Variants in GRM7 observed in about 807,000 individuals in gnomAD.
The protein encoded by GRM7 is metabotropic glutamate receptor 7.
In GRM7, 35 loss-of-function variants were observed where a neutral mutation model predicts 84.5. The ratio of observed to expected loss-of-function variants is 0.41; its 90% CI spans 0.32 to 0.55. GRM7 has a LOEUF of 0.55. Ranked by LOEUF, GRM7 falls within the 20% of genes least tolerant of loss-of-function variation. GRM7 has a pLI of 0.19. For missense variants in GRM7, 1,003 were observed against 1,194.6 expected, an observed-to-expected ratio of 0.84 and a Z score of 2.36; for synonymous variants, 487 against 455.1, an observed-to-expected ratio of 1.07 and a Z score of -0.89.
chr3:7,127,010 C>T (rs1213568187), intron 1 of GRM7, among the ~76,000 whole-genome samples: 4 of 152,198 alleles, frequency 2.6e-5, no homozygotes, highest in African/African-American at 9.6e-5. Context: ...GCAAAGGTGG[C>T]CAGTGGCCAG....
At chr3:7,023,361 CAGGT>C (rs2124915611) in intron 1 of GRM7, among the ~76,000 whole-genome samples, 1 of 152,116 alleles carries the variant, frequency 6.6e-6, no homozygotes, top group African/African-American at 2.4e-5. Context: ...ATCAGAGAGT[CAGGT>C]AGAGGGGAAT....
intron 1 of GRM7, among the ~76,000 whole-genome samples, chr3:6,927,415 TAGACTCTTGTC>T (rs1395956797): frequency 2.8e-5 from 4 of 143,086 alleles, no homozygotes; most frequent in African/African-American, 7.8e-5. Context: ...GTGACAGAGC[TAGACTCTTGTC>T]AGAAAAGAAA....
At chr3:7,571,675 C>G (rs1394661236) in intron 7 of GRM7, among the ~76,000 whole-genome samples, 1 of 152,218 alleles carries the variant, frequency 6.6e-6, no homozygotes, top group East Asian at 1.9e-4. Context: ...GTTCCAACCT[C>G]TGCCTATTAC....
intron 8 of GRM7, among the ~76,000 whole-genome samples, chr3:7,611,505 A>G (rs1181806002): frequency 1.3e-5 from 2 of 152,164 alleles, no homozygotes; most frequent in Non-Finnish European, 2.9e-5. Context: ...ACAATCAGCC[A>G]AGAAGGTATA....
intron 1 of GRM7, among the ~76,000 whole-genome samples, chr3:6,868,828 G>T (rs996568460): frequency 6.6e-5 from 10 of 152,070 alleles, no homozygotes; most frequent in Admixed American, 2.0e-4. Flanking sequence ...AGTTTAATGG[G>T]TTATTTTGCC....
At chr3:7,013,196 C>G (rs1374459069) in intron 1 of GRM7, among the ~76,000 whole-genome samples, 1 of 151,654 alleles carries the variant, frequency 6.6e-6, no homozygotes, top group African/African-American at 2.4e-5. Flanking sequence ...TTATAAAGGC[C>G]CCTGTGACAT....
chr3:7,305,148 A>G (rs1449547141), intron 3 of GRM7, among the ~76,000 whole-genome samples: 3 of 152,154 alleles, frequency 2.0e-5, no homozygotes. Flanking sequence ...TAAAATTCCT[A>G]GAGTGTCTTA....
At chr3:7,157,021 T>C (rs1326278287) in intron 2 of GRM7, among the ~76,000 whole-genome samples, 1 of 151,614 alleles carries the variant, frequency 6.6e-6, no homozygotes, top group East Asian at 1.9e-4. Flanking sequence ...GAGGAAGATG[T>C]AAGGAATCAA....
intron 3 of GRM7, among the ~76,000 whole-genome samples, chr3:7,305,778 A>G (rs748458968): frequency 4.6e-5 from 7 of 152,124 alleles, no homozygotes; most frequent in Non-Finnish European, 7.3e-5. Flanking sequence ...CCAAGTCCCA[A>G]GAGACAAACA....
chr3:7,220,419 C>T (rs1696761921), intron 2 of GRM7, among the ~76,000 whole-genome samples: 1 of 152,168 alleles, frequency 6.6e-6, no homozygotes, highest in African/African-American at 2.4e-5. Context: ...AGGAGAAATA[C>T]ATCAGACAAA....
At chr3:7,501,527 T>C (rs1431041808) in intron 7 of GRM7, among the ~76,000 whole-genome samples, 1 of 152,204 alleles carries the variant, frequency 6.6e-6, no homozygotes, top group Non-Finnish European at 1.5e-5. Flanking sequence ...GCTTATATTA[T>C]AGACGGACAG....
chr3:7,131,868 GTTTAT>G (rs1171581890), intron 1 of GRM7, among the ~76,000 whole-genome samples: 2 of 152,118 alleles, frequency 1.3e-5, no homozygotes, highest in African/African-American at 4.8e-5. Flanking sequence ...GATCAATTTT[GTTTAT>G]TTTATCACCT....
At chr3:7,640,318 G>A (rs1698308477) in intron 8 of GRM7, among the ~76,000 whole-genome samples, 1 of 152,176 alleles carries the variant, frequency 6.6e-6, no homozygotes, top group Admixed American at 6.5e-5. Flanking sequence ...GGTTTATTAA[G>A]CATGATGCGA....
chr3:7,153,133 ATTTTT>A (rs34465661), intron 2 of GRM7, among the ~76,000 whole-genome samples: 3 of 103,386 alleles, frequency 2.9e-5, no homozygotes, highest in East Asian at 5.9e-4. Context: ...GGTACTGTGG[ATTTTT>A]TTTTTTTTTT....
chr3:7,214,128 A>G (rs1038555024), intron 2 of GRM7, among the ~76,000 whole-genome samples: 2 of 151,746 alleles, frequency 1.3e-5, no homozygotes, highest in Admixed American at 6.6e-5. Flanking sequence ...AAAAAAAAAA[A>G]AGACAACACA....
intron 2 of GRM7, among the ~76,000 whole-genome samples, chr3:7,240,180 A>T (rs1248052036): frequency 8.7e-6 from 1 of 115,484 alleles, no homozygotes; most frequent in East Asian, 2.9e-4. Context: ...TGGCAATCTG[A>T]TGGAGAAAGC....
chr3:7,174,709 C>T (rs962184706), intron 2 of GRM7, among the ~76,000 whole-genome samples: 2 of 152,196 alleles, frequency 1.3e-5, no homozygotes, highest in Non-Finnish European at 2.9e-5. Context: ...GAAGTGCTAT[C>T]TGCTTCACAA....
chr3:6,881,716 G>A (rs959911381), intron 1 of GRM7, among the ~76,000 whole-genome samples: 6 of 152,104 alleles, frequency 3.9e-5, no homozygotes, highest in Non-Finnish European at 2.9e-5. Context: ...TTAGAGAAAT[G>A]CAAATCAAAT....
chr3:7,321,529 A>G (rs1203428473), intron 4 of GRM7, among the ~76,000 whole-genome samples: 3 of 152,048 alleles, frequency 2.0e-5, no homozygotes, highest in Non-Finnish European at 4.4e-5. Context: ...TTCTTATACA[A>G]CAAACCACAG....
Sources: allele counts gnomAD v4.1 joint callset (sites outside exome capture counted in the v4.1 genomes callset), GRCh38; gene constraint gnomAD v4.1.1; transcripts MANE v1.5; gene names NCBI Gene and HGNC (gene_info 2026-07-23, HGNC 2026-07-21).